GNB4: variants seen among roughly 807,000 people sequenced by gnomAD.
GNB4 encodes the protein G protein subunit beta 4, also known as guanine nucleotide-binding protein subunit beta-4.
GNB4 carries 28 observed loss-of-function variants against 45.2 expected under a neutral mutation model. That is an observed-to-expected ratio of 0.62 (90% confidence interval 0.46 to 0.85). GNB4 has a LOEUF of 0.85. Among genes scored for constraint, GNB4 ranks in the 40% least tolerant of loss-of-function variants. GNB4 has a pLI of 0.00. For missense variants in GNB4, 321 were observed against 425.4 expected (o/e 0.75, Z 2.16); for synonymous variants, 132 against 143.7 (o/e 0.92, Z 0.58).
the GNB4 span, among the ~76,000 whole-genome samples, chr3:179,500,465 A>T: frequency 5.6e-3 from 849 of 152,276 alleles, 7 homozygotes; most frequent in African/African-American, 0.02. Flanking sequence ...TACCAGTACC[A>T]TGCTGTTTTT....
chr3:179,502,536 T>C, the GNB4 span, among the ~76,000 whole-genome samples: 1 of 152,088 alleles, frequency 6.6e-6, no homozygotes, highest in Non-Finnish European at 1.5e-5. Context: ...CCTGGCCTGT[T>C]CTGAGCTACT....
intron 1 of GNB4, among the ~76,000 whole-genome samples, chr3:179,440,878 G>GAT (rs1248771374): frequency 8.6e-6 from 1 of 116,630 alleles, no homozygotes; most frequent in Admixed American, 9.7e-5. Context: ...TATATAGATA[G>GAT]ATAGAGAGAG....
chr3:179,525,170 G>A, the GNB4 span, among the ~76,000 whole-genome samples: 31 of 152,118 alleles, frequency 2.0e-4, no homozygotes, highest in African/African-American at 7.5e-4. Context: ...ATGCCTGGAC[G>A]TCGAGCACCT....
At chr3:179,449,435 G>C (rs570811394) in intron 1 of GNB4, among the ~76,000 whole-genome samples, 1 of 152,290 alleles carries the variant, frequency 6.6e-6, no homozygotes, top group Non-Finnish European at 1.5e-5. Context: ...GCATGTCTTG[G>C]ATATTTTACA....
At chr3:179,503,412 G>C in the GNB4 span, among the ~76,000 whole-genome samples, 2 of 152,080 alleles carry the variant, frequency 1.3e-5, no homozygotes, top group Non-Finnish European at 2.9e-5. Flanking sequence ...CACTAAATTT[G>C]ATCTACTTTT....
chr3:179,521,017 G>A, the GNB4 span, among the ~76,000 whole-genome samples: 9 of 152,072 alleles, frequency 5.9e-5, no homozygotes, highest in African/African-American at 1.9e-4. Flanking sequence ...CTCAGAGATT[G>A]TTCAGGCCCC....
the GNB4 span, among the ~76,000 whole-genome samples, chr3:179,515,332 A>G: frequency 2.0e-5 from 3 of 152,238 alleles, no homozygotes; most frequent in Non-Finnish European, 4.4e-5. Flanking sequence ...TGAAGAGACC[A>G]CCAACAGGCT....
the GNB4 span, among the ~76,000 whole-genome samples, chr3:179,527,786 ATGTATGTGTG>A: frequency 2.5e-4 from 31 of 124,936 alleles, no homozygotes; most frequent in Middle Eastern, 8.5e-3. Context: ...GCGTGTGTGT[ATGTATGTGTG>A]TGTGTGTGTG....
the GNB4 span, among the ~76,000 whole-genome samples, chr3:179,525,998 T>C: frequency 8.3e-4 from 126 of 152,312 alleles, 2 homozygotes; most frequent in East Asian, 0.019. Context: ...CAACAGGCTT[T>C]GTGTGAGCAA....
At chr3:179,493,867 G>A in the GNB4 span, among the ~76,000 whole-genome samples, 7 of 152,194 alleles carry the variant, frequency 4.6e-5, no homozygotes, top group Admixed American at 4.6e-4. Flanking sequence ...CTATGTAGAA[G>A]TCTATGTAGA....
chr3:179,416,594 G>A (rs1714807699), intron 4 of GNB4, 38 bp from the exon 5 acceptor site: 4 of 1,324,574 alleles, frequency 3.0e-6, no homozygotes, highest in Non-Finnish European at 4.2e-6. Flanking sequence ...GACACTTAGA[G>A]GGAAAAAATA....
At chr3:179,413,919 T>C (rs981271021) in intron 6 of GNB4, 138 bp from the exon 7 acceptor site, 9 of 672,760 alleles carry the variant, frequency 1.3e-5, no homozygotes, top group Non-Finnish European at 2.2e-5. Flanking sequence ...AGTTCTACTT[T>C]TAGTTACTTC....
chr3:179,438,936 T>G (rs1214294769), intron 1 of GNB4, among the ~76,000 whole-genome samples: 3 of 152,204 alleles, frequency 2.0e-5, no homozygotes, highest in Admixed American at 2.0e-4. Context: ...CCTAAGGCCT[T>G]GACTCTTCAA....
At chr3:179,500,870 T>C in the GNB4 span, among the ~76,000 whole-genome samples, 1 of 152,234 alleles carries the variant, frequency 6.6e-6, no homozygotes, top group Non-Finnish European at 1.5e-5. Flanking sequence ...TCACTCATGA[T>C]TTGGCTCTCT....
At chr3:179,452,328 T>C (rs1205379738), upstream of GNB4, 2 of 152,186 alleles carry the variant, frequency 1.3e-5, no homozygotes, top group African/African-American at 4.8e-5. Flanking sequence ...GGAGCATTTT[T>C]CCTCTCCCCA....
In GNB4 at chr3:179,397,440, A is replaced by T. The variant is rs1279407690; in HGVS notation, c.*3773T>A. The T allele has an allele frequency of 6.6e-6, 1 of 152,228 alleles. No individual in the cohort carries two copies. Among genetic ancestry groups the T allele is most frequent in the African/African-American group, 2.4e-5 (1 of 41,454 alleles). The allele number at this position is 152,228 out of a possible 1,614,324, so 9.4% of individuals were successfully genotyped here. The stretch of plus-strand genomic sequence containing the variant: ...TAGGTTAAGTCTGAAATTCTGTAAC[A>T]TATTCTAGAAGCACCTACATCCATT... On this transcript the variant is annotated 3_prime_UTR_variant, in exon 10 of 10. Transcript: ENST00000232564.
At chr3:179,435,388 C>A (rs1264060501) in intron 1 of GNB4, among the ~76,000 whole-genome samples, 1 of 145,764 alleles carries the variant, frequency 6.9e-6, no homozygotes, top group Admixed American at 7.3e-5. Context: ...CTATCTTCAT[C>A]AAGCTAGTTA....
intron 6 of GNB4, 37 bp downstream of exon 6, chr3:179,414,847 GA>G: frequency 6.7e-7 from 1 of 1,499,460 alleles, no homozygotes; most frequent in Non-Finnish European, 9.1e-7. Context: ...TCCACACAAG[GA>G]ATCGTGTGGT....
chr3:179,403,712 C>G (rs1714375068), intron 9 of GNB4, among the ~76,000 whole-genome samples: 1 of 151,702 alleles, frequency 6.6e-6, no homozygotes, highest in East Asian at 2.0e-4. Context: ...GCAGGAGAAT[C>G]GCTGGAACCT....
Sources: allele counts gnomAD v4.1 joint callset (sites outside exome capture counted in the v4.1 genomes callset), GRCh38; gene constraint gnomAD v4.1.1; transcripts MANE v1.5; gene names NCBI Gene and HGNC (gene_info 2026-07-23, HGNC 2026-07-21).